DSCAM: variants seen among roughly 807,000 people sequenced by gnomAD.
The protein encoded by DSCAM is DS cell adhesion molecule.
A neutral mutation model predicts 217.7 loss-of-function variants in DSCAM; 47 were observed. That is an observed-to-expected ratio of 0.22 (90% confidence interval 0.17 to 0.28). The LOEUF (loss-of-function observed/expected upper bound fraction) is 0.28. DSCAM is among the 10% of genes least tolerant of loss of function. The pLI is 1.00. For synonymous variants in DSCAM, 1,056 were observed against 1,015.3 expected, an observed-to-expected ratio of 1.04 and a Z score of -0.76; for missense variants, 2,080 against 2,618.3, an observed-to-expected ratio of 0.79 and a Z score of 4.49.
intron 32 of DSCAM, among the ~76,000 whole-genome samples, chr21:40,039,556 A>G (rs1235572498): frequency 6.6e-6 from 1 of 152,044 alleles, no homozygotes; most frequent in African/African-American, 2.4e-5. Context: ...CACACACAGG[A>G]GATATATATA....
At chr21:40,570,259 C>T (rs2076796252) in intron 3 of DSCAM, among the ~76,000 whole-genome samples, 1 of 152,192 alleles carries the variant, frequency 6.6e-6, no homozygotes, top group Non-Finnish European at 1.5e-5. Flanking sequence ...AGATCCCAAG[C>T]CCTTCTGAAG....
At chr21:40,411,475 A>C (rs1056063482) in intron 3 of DSCAM, among the ~76,000 whole-genome samples, 1 of 152,228 alleles carries the variant, frequency 6.6e-6, no homozygotes, top group Non-Finnish European at 1.5e-5. Context: ...TCAACTAAAA[A>C]GCAAATATTA....
intron 1 of DSCAM, among the ~76,000 whole-genome samples, chr21:40,804,190 G>C (rs1400794810): frequency 6.6e-6 from 1 of 152,188 alleles, no homozygotes; most frequent in Non-Finnish European, 1.5e-5. Context: ...GCTTCCTGGA[G>C]CTCTGAATGT....
intron 3 of DSCAM, among the ~76,000 whole-genome samples, chr21:40,620,014 GAA>G (rs1232497821): frequency 0.034 from 2,428 of 72,354 alleles, 131 homozygotes; most frequent in East Asian, 0.093. Flanking sequence ...AGAGAAAAAA[GAA>G]AAAGAAAGAA....
At chr21:40,459,287 G>A (rs774881128) in intron 3 of DSCAM, among the ~76,000 whole-genome samples, 1 of 152,202 alleles carries the variant, frequency 6.6e-6, no homozygotes, top group Non-Finnish European at 1.5e-5. Flanking sequence ...AGATAGTGAT[G>A]AAATTAAATG....
chr21:40,458,603 CA>C (rs1445740921), intron 3 of DSCAM, among the ~76,000 whole-genome samples: 4 of 151,968 alleles, frequency 2.6e-5, no homozygotes, highest in African/African-American at 9.7e-5. Context: ...CATTTGAAAA[CA>C]GAATCATGTT....
intron 3 of DSCAM, among the ~76,000 whole-genome samples, chr21:40,461,652 G>C (rs760684230): frequency 6.6e-6 from 1 of 152,194 alleles, no homozygotes; most frequent in African/African-American, 2.4e-5. Context: ...CATGGCAAAG[G>C]GGAGTTAAGG....
At chr21:40,377,094 T>A (rs981046952) in intron 3 of DSCAM, among the ~76,000 whole-genome samples, 1 of 152,146 alleles carries the variant, frequency 6.6e-6, no homozygotes, top group Non-Finnish European at 1.5e-5. Flanking sequence ...TTAACATGAA[T>A]CCTAATCAGA....
At chr21:40,528,825 G>T (rs757105441) in intron 3 of DSCAM, among the ~76,000 whole-genome samples, 1 of 151,556 alleles carries the variant, frequency 6.6e-6, no homozygotes, top group Non-Finnish European at 1.5e-5. Context: ...CCAGCGAGGT[G>T]AGCAGCAGTC....
At chr21:40,355,608 G>A (rs1359373823) in intron 4 of DSCAM, among the ~76,000 whole-genome samples, 2 of 152,164 alleles carry the variant, frequency 1.3e-5, no homozygotes, top group Non-Finnish European at 2.9e-5. Flanking sequence ...AATTCAACCT[G>A]TTTAGAACTT....
chr21:40,084,473 C>A (rs1046784983), intron 23 of DSCAM, among the ~76,000 whole-genome samples: 1 of 150,060 alleles, frequency 6.7e-6, no homozygotes, highest in African/African-American at 2.5e-5. Flanking sequence ...CAAAAATCTT[C>A]ACTTTCTAAG....
intron 11 of DSCAM, among the ~76,000 whole-genome samples, chr21:40,223,104 A>G (rs953273115): frequency 3.9e-5 from 6 of 152,074 alleles, no homozygotes; most frequent in Admixed American, 1.3e-4. Flanking sequence ...CCCTCCTGAC[A>G]CCAGGAGACC....
chr21:40,675,315 G>GA (rs2090326280), intron 3 of DSCAM, among the ~76,000 whole-genome samples: 1 of 151,842 alleles, frequency 6.6e-6, no homozygotes. Flanking sequence ...GTAGAGAAGG[G>GA]AAAAATCAAT....
At chr21:40,342,530 T>A (rs1410455410) in intron 6 of DSCAM, among the ~76,000 whole-genome samples, 1 of 150,860 alleles carries the variant, frequency 6.6e-6, no homozygotes, top group Non-Finnish European at 1.5e-5. Context: ...GATGTAGGGA[T>A]TAATACTCAT....
Position 40,620,227 on chromosome 21 carries a change from AAAG to A in DSCAM, c.508+72580_508+72582del, listed in dbSNP as rs1317938997. Among the ~76,000 whole-genome samples the A allele has an allele frequency of 1.6e-4, 15 of 92,274 alleles. 1 individual carries two copies. Among genetic ancestry groups the A allele is most frequent in the African/African-American group, 5.6e-4 (14 of 25,130 alleles). The allele number at this position is 92,274 out of a possible 152,430, so 60.5% of individuals were successfully genotyped here. On this transcript the variant is annotated intron_variant, in intron 3 of 32. Coordinates refer to ENST00000400454, the MANE Select transcript of DSCAM (RefSeq NM_001389.5). ...AGAGAGAAAGAGAGAGAAAAAAGAA[AAAG>A]AAAGAAAGAGAGAGAAAGAGAGAGA... is the stretch of plus-strand genomic sequence containing the variant.
At chr21:40,371,650 A>AT (rs2074900178) in intron 3 of DSCAM, among the ~76,000 whole-genome samples, 2 of 151,974 alleles carry the variant, frequency 1.3e-5, no homozygotes, top group Admixed American at 6.6e-5. Context: ...AATATCTAAC[A>AT]TTTTTTTCGT....
intron 1 of DSCAM, among the ~76,000 whole-genome samples, chr21:40,728,857 C>A (rs1017713945): frequency 2.0e-5 from 3 of 152,152 alleles, no homozygotes; most frequent in African/African-American, 7.2e-5. Flanking sequence ...GAAGTCAGAG[C>A]TCTAGAGAAG....
rs1290780004 is a variant in DSCAM at position 40,011,001 on chromosome 21, A to C, written c.*2033T>G. 6.6e-6 allele frequency: 1 copy of C among 152,194 alleles called. No homozygotes were observed. Among genetic ancestry groups the C allele is most frequent in the Non-Finnish European group, 1.5e-5 (1 of 68,040 alleles). The allele number at this position is 152,194 out of a possible 1,614,324, so 9.4% of individuals were successfully genotyped here. A position where few individuals can be genotyped will look rare whatever the true frequency, so the allele number is the denominator to read the frequency against. On this transcript the variant is annotated 3_prime_UTR_variant, in exon 33 of 33. Coordinates refer to ENST00000400454, the MANE Select transcript of DSCAM (RefSeq NM_001389.5). ...GCAATCCATTCTAGAGGCAGACATA[A>C]TGTAGAATTTTTTTATTTTTGTACA...
intron 3 of DSCAM, among the ~76,000 whole-genome samples, chr21:40,652,991 G>C (rs1453510220): frequency 6.6e-6 from 1 of 152,136 alleles, no homozygotes; most frequent in African/African-American, 2.4e-5. Context: ...GAGCTCCCTG[G>C]TTGATGATAC....
Sources: allele counts gnomAD v4.1 joint callset (sites outside exome capture counted in the v4.1 genomes callset), GRCh38; gene constraint gnomAD v4.1.1; transcripts MANE v1.5; gene names NCBI Gene and HGNC (gene_info 2026-07-23, HGNC 2026-07-21).